EPB41L5: variants seen among roughly 807,000 people sequenced by gnomAD.
EPB41L5 encodes the protein erythrocyte membrane protein band 4.1 like 5, also known as band 4.1-like protein 5.
Under a neutral mutation model 106.6 loss-of-function variants are expected in EPB41L5, and 55 were observed. That is an observed-to-expected ratio of 0.52 (90% CI 0.42 to 0.65). The LOEUF (loss-of-function observed/expected upper bound fraction) is 0.65, where lower values mean the gene tolerates loss of function less well. Among genes scored for constraint, EPB41L5 ranks in the 30% least tolerant of loss-of-function variants. The pLI, the probability that EPB41L5 is intolerant of heterozygous loss-of-function variation, is 0.00. For synonymous variants in EPB41L5, 297 were observed against 306.7 expected (o/e 0.97, Z 0.33); for missense variants, 871 against 882.1 (o/e 0.99, Z 0.16).
rs149269327 is a variant in EPB41L5 at position 120,073,294 on chromosome 2, T to G, written c.328+74T>G. On this transcript the variant is annotated intron_variant, in intron 4 of 24. Coordinates refer to ENST00000263713, the MANE Select transcript of EPB41L5 (RefSeq NM_020909.4). Reference sequence around the variant, plus strand: ...TTAGAAATTCTGATTTCTAATAGGATGTAAGAAATCATGTTTCAGATGAGT... The same window carrying G: ...TTAGAAATTCTGATTTCTAATAGGAGGTAAGAAATCATGTTTCAGATGAGT... 257 of 1,258,542 alleles carry G rather than the reference T, an allele frequency of 2.0e-4. 1 individual carries two copies. The East Asian group carries it at 4.9e-3, about 24-fold the overall frequency. The allele number at this position is 1,258,542 out of a possible 1,614,324, so 78.0% of individuals were successfully genotyped here.
In EPB41L5 at chr2:120,076,470, C is replaced by T. The variant is rs1048076043; in HGVS notation, c.506-501C>T. Among the ~76,000 whole-genome samples, 23 of 58,872 alleles carry T rather than the reference C, an allele frequency of 3.9e-4. 1 individual carries two copies. Among genetic ancestry groups the T allele is most frequent in the Admixed American group, 5.3e-4 (2 of 3,742 alleles). The allele number at this position is 58,872 out of a possible 152,430, so 38.6% of individuals were successfully genotyped here. On this transcript the variant is annotated intron_variant, in intron 7 of 24. Coordinates refer to ENST00000263713, the MANE Select transcript of EPB41L5 (RefSeq NM_020909.4). ...CCATTAGGCCTGGCTAATTTTTGTA[C>T]TTTTTTTTTTTTTTTTTTTTTTTTT...
rs1224338174 is a variant in EPB41L5, at chr2:120,175,263, T to G, written c.*356T>G. ...TTCATAACAAGCCTGCCTCTGGTAG[T>G]CAACAGCCTTTTGAAAGCTATTTCC... is the stretch of plus-strand genomic sequence containing the variant. On this transcript the variant is annotated 3_prime_UTR_variant, in exon 25 of 25. Transcript: ENST00000263713. 1 of 217,410 alleles carries G rather than the reference T, an allele frequency of 4.6e-6. No homozygotes were observed. Among genetic ancestry groups the G allele is most frequent in the Non-Finnish European group, 9.6e-6 (1 of 104,412 alleles). The allele number at this position is 217,410 out of a possible 1,614,324, so 13.5% of individuals were successfully genotyped here.
intron 3 of EPB41L5, among the ~76,000 whole-genome samples, chr2:120,045,733 A>G (rs978108332): frequency 6.6e-6 from 1 of 152,084 alleles, no homozygotes; most frequent in Non-Finnish European, 1.5e-5. Flanking sequence ...TTTGTTACGT[A>G]TGTATACATG....
At chr2:120,055,140 G>A (rs896668871) in intron 3 of EPB41L5, among the ~76,000 whole-genome samples, 4 of 152,040 alleles carry the variant, frequency 2.6e-5, no homozygotes, top group Non-Finnish European at 5.9e-5. Context: ...TGGAATTATA[G>A]GCGTGAGCCA....
intron 2 of EPB41L5, among the ~76,000 whole-genome samples, chr2:120,023,525 C>T (rs1388961344): frequency 6.6e-6 from 1 of 152,106 alleles, no homozygotes; most frequent in East Asian, 1.9e-4. Flanking sequence ...GGCCTCTGTT[C>T]TTTTCCATTG....
intron 10 of EPB41L5, among the ~76,000 whole-genome samples, chr2:120,085,382 C>G (rs924715365): frequency 6.6e-6 from 1 of 152,144 alleles, no homozygotes; most frequent in African/African-American, 2.4e-5. Context: ...CACTCCAGAC[C>G]CTGTTTGCCT....
At chr2:120,133,670 G>T (rs539905954) in intron 18 of EPB41L5, among the ~76,000 whole-genome samples, 5 of 152,282 alleles carry the variant, frequency 3.3e-5, no homozygotes, top group African/African-American at 1.2e-4. Flanking sequence ...AAATTTGAAA[G>T]ATAGTCTAGG....
intron 3 of EPB41L5, among the ~76,000 whole-genome samples, chr2:120,047,769 G>C (rs1679908587): frequency 6.6e-6 from 1 of 152,158 alleles, no homozygotes. Context: ...TCCAGTTTTT[G>C]CCCATTCAGT....
intron 3 of EPB41L5, among the ~76,000 whole-genome samples, chr2:120,062,598 C>G (rs1025171294): frequency 2.0e-5 from 3 of 152,060 alleles, no homozygotes; most frequent in Non-Finnish European, 4.4e-5. Context: ...AGTATGTTTT[C>G]TTTTATCTAG....
intron 20 of EPB41L5, chr2:120,160,570 C>T (rs931323517): frequency 8.6e-6 from 2 of 232,022 alleles, no homozygotes; most frequent in African/African-American, 2.3e-5. Context: ...TTTTGAGGAA[C>T]CTCCATACTG....
intron 21 of EPB41L5, among the ~76,000 whole-genome samples, chr2:120,161,918 G>A (rs1687155047): frequency 6.6e-6 from 1 of 152,112 alleles, no homozygotes; most frequent in Admixed American, 6.5e-5. Context: ...CCCCAAACCT[G>A]GTCCTTGGAA....
intron 16 of EPB41L5, chr2:120,105,653 T>C (rs952144409): frequency 2.0e-6 from 2 of 985,070 alleles, no homozygotes; most frequent in African/African-American, 3.5e-5. Flanking sequence ...TAGCACATCC[T>C]CTAAATATAA....
At chr2:120,150,968 G>A (rs1686646029) in intron 20 of EPB41L5, among the ~76,000 whole-genome samples, 1 of 152,156 alleles carries the variant, frequency 6.6e-6, no homozygotes, top group African/African-American at 2.4e-5. Context: ...ATTAACAGTT[G>A]CATAGCTTTG....
intron 10 of EPB41L5, among the ~76,000 whole-genome samples, chr2:120,080,489 TC>T (rs977710364): frequency 1.2e-4 from 18 of 152,366 alleles, no homozygotes; most frequent in African/African-American, 4.1e-4. Flanking sequence ...TGCCACATTT[TC>T]TTAATCCAGT....
chr2:120,047,647 C>T (rs1679890446), intron 3 of EPB41L5, among the ~76,000 whole-genome samples: 1 of 152,196 alleles, frequency 6.6e-6, no homozygotes, highest in South Asian at 2.1e-4. Flanking sequence ...ATTGAATAGC[C>T]TTTATTTCTT....
intron 1 of EPB41L5, among the ~76,000 whole-genome samples, chr2:120,015,994 T>G (rs1677497093): frequency 1.3e-5 from 2 of 152,112 alleles, no homozygotes; most frequent in Non-Finnish European, 1.5e-5. Context: ...GTTTGCACAT[T>G]GATGAACACA....
intron 20 of EPB41L5, among the ~76,000 whole-genome samples, chr2:120,147,195 A>C (rs867339591): frequency 6.6e-6 from 1 of 152,136 alleles, no homozygotes; most frequent in African/African-American, 2.4e-5. Flanking sequence ...AATTAAAAAT[A>C]AAAAATTAGC....
chr2:120,120,576 A>G (rs1386811654), intron 16 of EPB41L5, among the ~76,000 whole-genome samples: 3 of 152,110 alleles, frequency 2.0e-5, no homozygotes, highest in Non-Finnish European at 4.4e-5. Context: ...GAACATAGAC[A>G]TGTAAACAGG....
chr2:120,101,465 G>T (rs1684136078), intron 16 of EPB41L5: 1 of 152,178 alleles, frequency 6.6e-6, no homozygotes, highest in South Asian at 2.1e-4. Flanking sequence ...GCTTGGTGGG[G>T]GCTCCTTGGG....
Sources: allele counts gnomAD v4.1 joint callset (sites outside exome capture counted in the v4.1 genomes callset), GRCh38; gene constraint gnomAD v4.1.1; transcripts MANE v1.5; gene names NCBI Gene and HGNC (gene_info 2026-07-23, HGNC 2026-07-21).